The following ETS1 variants were observed in gnomAD, a reference collection of about 807,000 sequenced individuals.
ETS1 encodes ETS proto-oncogene 1, transcription factor.
ETS1 carries 15 observed loss-of-function variants against 58.6 expected under a neutral mutation model. That is an observed-to-expected ratio of 0.26 (90% CI 0.17 to 0.39). The LOEUF is 0.39. ETS1 is among the 10% of genes least tolerant of loss of function. ETS1 has a pLI of 1.00. For synonymous variants in ETS1, 214 were observed against 218.2 expected (o/e 0.98, Z 0.17); for missense variants, 417 against 610.5 (o/e 0.68, Z 3.34).
intron 3 of ETS1, among the ~76,000 whole-genome samples, chr11:128,541,820 C>T (rs1864062185): frequency 6.6e-6 from 1 of 152,114 alleles, no homozygotes; most frequent in African/African-American, 2.4e-5. Flanking sequence ...AGAGGAAAGA[C>T]AAAACAATGA....
chr11:128,522,643 A>C (rs1863719484), intron 3 of ETS1, among the ~76,000 whole-genome samples: 1 of 152,202 alleles, frequency 6.6e-6, no homozygotes, highest in African/African-American at 2.4e-5. Flanking sequence ...CTGGGTGCAC[A>C]GGCCGCCTCC....
intron 3 of ETS1, among the ~76,000 whole-genome samples, chr11:128,531,533 A>T (rs1253716059): frequency 6.6e-6 from 1 of 152,246 alleles, no homozygotes; most frequent in Non-Finnish European, 1.5e-5. Flanking sequence ...AAATCATGAC[A>T]TAGTGACAAA....
At chr11:128,472,881 A>C (rs1023376239) in intron 8 of ETS1, among the ~76,000 whole-genome samples, 1 of 152,106 alleles carries the variant, frequency 6.6e-6, no homozygotes, top group African/African-American at 2.4e-5. Context: ...TTCCGTAAAC[A>C]TCTTGCACAT....
intron 3 of ETS1, among the ~76,000 whole-genome samples, chr11:128,494,826 G>A (rs542910511): frequency 7.9e-5 from 12 of 152,256 alleles, no homozygotes; most frequent in Admixed American, 3.3e-4. Flanking sequence ...AGACTGGAGC[G>A]TCTGGGATCC....
chr11:128,480,081 G>C, intron 8 of ETS1, 110 bp downstream of exon 8: 1 of 1,436,476 alleles, frequency 7.0e-7, no homozygotes, highest in Admixed American at 2.1e-5. Context: ...CCCGTGCCCT[G>C]CAAAAGGGAG....
At chr11:128,514,706 A>T (rs1863477607) in intron 3 of ETS1, among the ~76,000 whole-genome samples, 1 of 152,234 alleles carries the variant, frequency 6.6e-6, no homozygotes, top group African/African-American at 2.4e-5. Flanking sequence ...GGAAGACTTC[A>T]TCTGAGTTGT....
In ETS1 at chr11:128,462,418, C is replaced by T; in HGVS notation, c.1401G>A (p.Gly467=). 6.2e-7 allele frequency: 1 copy of T among 1,614,164 alleles called. No homozygotes were observed. Among genetic ancestry groups the T allele is most frequent in the Non-Finnish European group, 8.5e-7 (1 of 1,180,010 alleles). Residue 467 remains glycine, a synonymous_variant, in exon 10 of 10, where the codon GGG becomes GGA. Transcript: ENST00000392668. ...RFVCDLQSLL[G]YTPEELHAML... The stretch of plus-strand genomic sequence containing the variant: ...TGGCGTGCAGCTCCTCAGGGGTGTA[C>T]CCCAGCAGGCTCTGCAGGTCACACA...
At chr11:128,517,618 T>C (rs974109111) in intron 3 of ETS1, among the ~76,000 whole-genome samples, 2 of 152,232 alleles carry the variant, frequency 1.3e-5, no homozygotes, top group Non-Finnish European at 1.5e-5. Flanking sequence ...CCATGGATTA[T>C]TCATTACACA....
chr11:128,494,579 T>C (rs1022534546), intron 3 of ETS1, among the ~76,000 whole-genome samples: 2 of 152,212 alleles, frequency 1.3e-5, no homozygotes, highest in African/African-American at 4.8e-5. Context: ...AGGGTTTCCA[T>C]TCACTTACAT....
intron 3 of ETS1, chr11:128,521,974 G>C: frequency 1.9e-6 from 3 of 1,599,744 alleles, no homozygotes; most frequent in Non-Finnish European, 1.7e-6. Flanking sequence ...GAGTCGGCTT[G>C]AGATCGACGG....
chr11:128,512,770 G>A (rs1863424590), intron 3 of ETS1, among the ~76,000 whole-genome samples: 1 of 152,254 alleles, frequency 6.6e-6, no homozygotes. Flanking sequence ...AGGCACTGCC[G>A]TGGCTAACAG....
At chr11:128,575,841 T>C (rs1864735012) in intron 1 of ETS1, among the ~76,000 whole-genome samples, 2 of 152,210 alleles carry the variant, frequency 1.3e-5, no homozygotes, top group South Asian at 4.1e-4. Flanking sequence ...ACCTTTCAAA[T>C]GCCTATTTTA....
chr11:128,530,639 C>CA (rs1411709494), intron 3 of ETS1, among the ~76,000 whole-genome samples: 1 of 152,078 alleles, frequency 6.6e-6, no homozygotes, highest in East Asian at 1.9e-4. Context: ...GGAAGTACCA[C>CA]AAGGGACCCA....
At chr11:128,476,196 T>C (rs1862318122) in intron 8 of ETS1, among the ~76,000 whole-genome samples, 1 of 152,214 alleles carries the variant, frequency 6.6e-6, no homozygotes, top group Admixed American at 6.5e-5. Context: ...ACTCCTTATC[T>C]GTGGCTATGT....
intron 1 of ETS1, among the ~76,000 whole-genome samples, chr11:128,584,010 T>C (rs776413608): frequency 6.6e-6 from 1 of 152,264 alleles, no homozygotes; most frequent in Non-Finnish European, 1.5e-5. Flanking sequence ...TTCATTTTTA[T>C]CCTCTTTTCT....
chr11:128,466,997 A>T (rs1240480319), intron 8 of ETS1, among the ~76,000 whole-genome samples: 1 of 152,090 alleles, frequency 6.6e-6, no homozygotes, highest in Non-Finnish European at 1.5e-5. Context: ...CTCACCCTTC[A>T]GAAAGCCCAC....
At chr11:128,481,321 A>G (rs1862479240) in intron 7 of ETS1, among the ~76,000 whole-genome samples, 1 of 152,176 alleles carries the variant, frequency 6.6e-6, no homozygotes, top group African/African-American at 2.4e-5. Context: ...AGATCATGCA[A>G]GTTCATTAAT....
intron 3 of ETS1, among the ~76,000 whole-genome samples, chr11:128,507,129 G>A (rs943905318): frequency 1.1e-4 from 17 of 152,178 alleles, no homozygotes; most frequent in Admixed American, 6.5e-4. Flanking sequence ...GGATCTTTTT[G>A]GGAAATTCTT....
chr11:128,503,739 T>C (rs545065548), intron 3 of ETS1, among the ~76,000 whole-genome samples: 1 of 152,110 alleles, frequency 6.6e-6, no homozygotes, highest in Non-Finnish European at 1.5e-5. Context: ...ATCATCCCAG[T>C]GTAATTCACA....
Sources: gnomAD v4.1 joint callset for allele counts (sites outside exome capture counted in the v4.1 genomes callset) on GRCh38, gnomAD v4.1.1 for gene constraint, MANE v1.5 for transcripts, NCBI Gene and HGNC (gene_info 2026-07-23, HGNC 2026-07-21) for gene names.